Variants in INPP4B observed in about 807,000 individuals in gnomAD.
The protein encoded by INPP4B is inositol polyphosphate 4-phosphatase type II.
In INPP4B, 55 loss-of-function variants were observed where a neutral mutation model predicts 122.5. The observed-to-expected ratio is 0.45, with a 90% confidence interval of 0.36 to 0.56. The LOEUF is 0.56. INPP4B is among the 20% of genes least tolerant of loss of function. The pLI is 0.00. For missense variants in INPP4B, 1,000 were observed against 1,097.7 expected, an observed-to-expected ratio of 0.91 and a Z score of 1.26; for synonymous variants, 403 against 388.7, an observed-to-expected ratio of 1.04 and a Z score of -0.43.
At chr4:142,319,088 G>A (rs777743998) in intron 7 of INPP4B, among the ~76,000 whole-genome samples, 1 of 152,174 alleles carries the variant, frequency 6.6e-6, no homozygotes, top group Non-Finnish European at 1.5e-5. Flanking sequence ...CTAGGAGTCT[G>A]TTGGAGATCC....
chr4:142,236,110 T>C (rs1269060699), intron 12 of INPP4B, among the ~76,000 whole-genome samples: 2 of 152,220 alleles, frequency 1.3e-5, no homozygotes, highest in Admixed American at 1.3e-4. Flanking sequence ...TGGAATCTCA[T>C]GCTTGTCTAC....
At chr4:142,455,557 C>A (rs1815223585) in intron 3 of INPP4B, among the ~76,000 whole-genome samples, 2 of 151,974 alleles carry the variant, frequency 1.3e-5, no homozygotes, top group African/African-American at 4.8e-5. Context: ...TTTATCCATT[C>A]ATCTGTTTAT....
At chr4:142,835,314 A>C (rs1280375993) in intron 1 of INPP4B, among the ~76,000 whole-genome samples, 1 of 152,196 alleles carries the variant, frequency 6.6e-6, no homozygotes, top group Non-Finnish European at 1.5e-5. Context: ...AATAAGTCTC[A>C]GCTTCAGGAT....
At chr4:142,257,364 G>A (rs1466185879) in intron 11 of INPP4B, among the ~76,000 whole-genome samples, 2 of 152,102 alleles carry the variant, frequency 1.3e-5, no homozygotes, top group Non-Finnish European at 2.9e-5. Flanking sequence ...GGGCAATTAG[G>A]CAGGAGAAGG....
At chr4:142,321,962 T>C (rs1770246034) in intron 7 of INPP4B, among the ~76,000 whole-genome samples, 1 of 152,184 alleles carries the variant, frequency 6.6e-6, no homozygotes. Flanking sequence ...TAAATCTTCA[T>C]TTACTATTTT....
chr4:142,724,102 A>G (rs1765041703), intron 2 of INPP4B, among the ~76,000 whole-genome samples: 1 of 152,142 alleles, frequency 6.6e-6, no homozygotes, highest in Non-Finnish European at 1.5e-5. Context: ...TAGAAAAAAA[A>G]CAAATTTTGT....
At chr4:142,172,656 T>A (rs1826171625) in intron 16 of INPP4B, among the ~76,000 whole-genome samples, 2 of 151,954 alleles carry the variant, frequency 1.3e-5, no homozygotes, top group Admixed American at 1.3e-4. Context: ...TAAAAATGTA[T>A]AAACTGCAAT....
Position 142,081,726 on chromosome 4 carries a change from G to A in INPP4B, c.2642+305C>T, listed in dbSNP as rs77295400. On this transcript the variant is annotated intron_variant, in intron 25 of 25. Transcript: ENST00000262992. ...GGGGCCCCTTAACTTGAGCCAATGAGCTAATAAAATATATAATATCATATA... is the reference window on the plus strand; with the variant it reads ...GGGGCCCCTTAACTTGAGCCAATGAACTAATAAAATATATAATATCATATA... Among the ~76,000 whole-genome samples the A allele has an allele frequency of 9.9e-3, 1,512 of 152,068 alleles. 22 individuals carry two copies. Among genetic ancestry groups the A allele is most frequent in the African/African-American group, 0.034 (1,428 of 41,484 alleles).
Position 142,096,946 on chromosome 4 carries a change from A to C in INPP4B, c.2375-10690T>G, listed in dbSNP as rs545566527. Reference sequence around the variant, plus strand: ...GCCAAAGGGTATGTGAATGACCCCAAGTCCCTCATAGCAAATGATGGGGTT... The same window carrying C: ...GCCAAAGGGTATGTGAATGACCCCACGTCCCTCATAGCAAATGATGGGGTT... On this transcript the variant is annotated intron_variant, in intron 23 of 25. Coordinates refer to ENST00000262992, the MANE Select transcript of INPP4B (RefSeq NM_001101669.3). Among the ~76,000 whole-genome samples the C allele has an allele frequency of 2.0e-5, 3 of 152,268 alleles. No individual in the cohort carries two copies. The East Asian group carries it at 5.8e-4, about 29-fold the overall frequency.
rs1821093850 is a variant in INPP4B, at chr4:142,485,491, G to C, written c.-190-22765C>G. ...AATTCATTTTTCATAATGTAGTTTTGATAGTTCAGAGACTCTATCTACTTT... is the reference window on the plus strand; with the variant it reads ...AATTCATTTTTCATAATGTAGTTTTCATAGTTCAGAGACTCTATCTACTTT... On this transcript the variant is annotated intron_variant, in intron 2 of 25. Coordinates refer to ENST00000262992, the MANE Select transcript of INPP4B (RefSeq NM_001101669.3). Among the ~76,000 whole-genome samples the C allele has an allele frequency of 2.0e-5, 3 of 152,036 alleles. No individual in the cohort carries two copies. The South Asian group carries it at 6.2e-4, about 32-fold the overall frequency.
intron 3 of INPP4B, among the ~76,000 whole-genome samples, chr4:142,457,452 C>T (rs1469960283): frequency 2.0e-5 from 3 of 151,890 alleles, no homozygotes; most frequent in Non-Finnish European, 4.4e-5. Context: ...AAAATATTCA[C>T]TAAAAAACAA....
At chr4:142,246,411 A>G (rs899146994) in intron 11 of INPP4B, among the ~76,000 whole-genome samples, 1 of 152,112 alleles carries the variant, frequency 6.6e-6, no homozygotes, top group Non-Finnish European at 1.5e-5. Flanking sequence ...CATGATATTA[A>G]TTCTTCCTAT....
intron 2 of INPP4B, among the ~76,000 whole-genome samples, chr4:142,708,056 G>C (rs1171625159): frequency 6.6e-6 from 1 of 152,178 alleles, no homozygotes; most frequent in East Asian, 1.9e-4. Flanking sequence ...AAAGAGGTTG[G>C]AGGCATTGTA....
chr4:142,080,317 G>A (rs1252007691), intron 25 of INPP4B, among the ~76,000 whole-genome samples: 1 of 151,986 alleles, frequency 6.6e-6, no homozygotes, highest in African/African-American at 2.4e-5. Context: ...GGGAAATGAA[G>A]GCAGTTATTA....
chr4:142,737,857 A>G (rs1206533056), intron 1 of INPP4B, among the ~76,000 whole-genome samples: 3 of 152,372 alleles, frequency 2.0e-5, no homozygotes, highest in South Asian at 4.1e-4. Flanking sequence ...CACATGAAAA[A>G]ATGCTCATCA....
intron 2 of INPP4B, among the ~76,000 whole-genome samples, chr4:142,510,276 A>G (rs1195323893): frequency 6.6e-6 from 1 of 152,210 alleles, no homozygotes; most frequent in Non-Finnish European, 1.5e-5. Context: ...CAGCTATCAT[A>G]TATCACTGAC....
chr4:142,085,101 C>T (rs757748462), intron 24 of INPP4B, among the ~76,000 whole-genome samples: 1 of 152,180 alleles, frequency 6.6e-6, no homozygotes, highest in Non-Finnish European at 1.5e-5. Context: ...ATATTGTTAC[C>T]TTTGATGTTC....
intron 15 of INPP4B, among the ~76,000 whole-genome samples, chr4:142,176,757 A>C (rs1828478683): frequency 6.6e-6 from 1 of 152,154 alleles, no homozygotes; most frequent in South Asian, 2.1e-4. Context: ...TGTGACAAGC[A>C]TCTCCAGAGA....
At chr4:142,385,927 TTC>T (rs1250011917) in intron 7 of INPP4B, among the ~76,000 whole-genome samples, 3 of 152,284 alleles carry the variant, frequency 2.0e-5, no homozygotes, top group African/African-American at 4.8e-5. Context: ...ATTTAAAATC[TTC>T]TCTTTTAGCA....
Sources: allele counts gnomAD v4.1 joint callset (sites outside exome capture counted in the v4.1 genomes callset), GRCh38; gene constraint gnomAD v4.1.1; transcripts MANE v1.5; gene names NCBI Gene and HGNC (gene_info 2026-07-23, HGNC 2026-07-21).